Variants in ZNF141 observed in about 807,000 individuals in gnomAD.
ZNF141 encodes the protein zinc finger protein 141 (clone pHZ-44).
Under a neutral mutation model 11.3 loss-of-function variants are expected in ZNF141, and 7 were observed. The observed-to-expected ratio is 0.62, with a 90% CI of 0.35 to 1.16. The LOEUF (loss-of-function observed/expected upper bound fraction) is 1.16, where lower values mean the gene tolerates loss of function less well. ZNF141 is among the 50% of genes most tolerant of loss of function. The pLI is 0.02. For missense variants in ZNF141, 535 were observed against 554.0 expected, an observed-to-expected ratio of 0.97 and a Z score of 0.34; for synonymous variants, 183 against 190.7, an observed-to-expected ratio of 0.96 and a Z score of 0.33.
intron 3 of ZNF141, among the ~76,000 whole-genome samples, chr4:360,748 G>A (rs1553852012): frequency 6.6e-6 from 1 of 151,998 alleles, no homozygotes; most frequent in African/African-American, 2.4e-5. Flanking sequence ...TGACATTTCT[G>A]TTGCCTATAA....
chr4:369,764 ATTTTTT>A (rs34509477), intron 3 of ZNF141, among the ~76,000 whole-genome samples: 9 of 48,724 alleles, frequency 1.8e-4, no homozygotes, highest in Admixed American at 1.2e-3. Context: ...ATATATATAT[ATTTTTT>A]TTTTTTTTTT....
intron 3 of ZNF141, among the ~76,000 whole-genome samples, chr4:369,735 GAGATATATATATATATAT>G (rs1305271839): frequency 6.2e-5 from 1 of 16,148 alleles, no homozygotes. Flanking sequence ...ATTTCTTAAA[GAGATATATATATATATAT>G]ATATATATAT....
At chr4:340,121 T>A (rs1720978851) in intron 1 of ZNF141, among the ~76,000 whole-genome samples, 2 of 152,346 alleles carry the variant, frequency 1.3e-5, no homozygotes, top group South Asian at 4.1e-4. Context: ...TGGACAGTAT[T>A]TTAGGATTGT....
chr4:376,665 A>G lies in ZNF141; in HGVS notation c.*2803A>G, dbSNP rs542001436. Among the ~76,000 whole-genome samples the G allele has an allele frequency of 2.6e-5, 4 of 152,244 alleles. No individual in the cohort carries two copies. Among genetic ancestry groups the G allele is most frequent in the South Asian group, 4.1e-4 (2 of 4,822 alleles). ...GTTAAGTATGTAAATGTGTTGCTGT[A>G]AAGATAAACCTTAGGTGTAAGAAAA... On this transcript the variant is annotated 3_prime_UTR_variant, in exon 4 of 4. Transcript: ENST00000240499.
intron 3 of ZNF141, among the ~76,000 whole-genome samples, chr4:358,821 G>T (rs547111465): frequency 1.3e-5 from 2 of 152,070 alleles, no homozygotes; most frequent in South Asian, 2.1e-4. Context: ...TGATCCATCC[G>T]CCTCGGCCTC....
chr4:350,178 T>C lies in ZNF141; in HGVS notation c.226+5748T>C, dbSNP rs782710506. ...GAATCCTCAGTAAGACCAAGCTCAG[T>C]GTGCCATTTCCTTGTCTGTAGCCAT... On this transcript the variant is annotated intron_variant, in intron 3 of 3. Coordinates refer to ENST00000240499, the MANE Select transcript of ZNF141 (RefSeq NM_003441.4). The C allele has an allele frequency of 3.4e-5, 18 of 534,682 alleles. No individual in the cohort carries two copies. In the African/African-American group the frequency reaches 3.5e-4, roughly 10 times the overall value. 33.1% of individuals were successfully genotyped at this position (534,682 alleles called of 1,614,324 possible).
chr4:383,013 TCTTGA>T lies in ZNF141; in HGVS notation c.*9155_*9159del. 1.8e-6 allele frequency: 1 copy of T among 545,574 alleles called. No homozygotes were observed. The highest frequency in any genetic ancestry group is 3.2e-6 in the Non-Finnish European group (1 of 309,852). 33.8% of individuals were successfully genotyped at this position (545,574 alleles called of 1,614,324 possible). ...TTCTGTTTCCCAAACCTTGAACTTC[TCTTGA>T]CTTATCTGCACTGGCACAGGGTGCC... On this transcript the variant is annotated 3_prime_UTR_variant, in exon 4 of 4. Transcript: ENST00000240499.
chr4:351,619 G>T (rs1315294371), intron 3 of ZNF141, among the ~76,000 whole-genome samples: 1 of 152,108 alleles, frequency 6.6e-6, no homozygotes, highest in Non-Finnish European at 1.5e-5. Flanking sequence ...TGAGTTTGAG[G>T]CATTTTCCTG....
At chr4:348,134 A>C (rs1721428909) in intron 3 of ZNF141, among the ~76,000 whole-genome samples, 1 of 152,044 alleles carries the variant, frequency 6.6e-6, no homozygotes, top group Admixed American at 6.6e-5. Flanking sequence ...CTGAGCCACC[A>C]CACCCAGCTG....
Position 382,894 on chromosome 4 carries a change from T to C in ZNF141, c.*9032T>C, listed in dbSNP as rs1712730524. ...GACACATCTACAAGAAAAGTCATGA[T>C]AAAATTGATTGCAAAAACAGCAATT... On this transcript the variant is annotated 3_prime_UTR_variant, in exon 4 of 4. Coordinates refer to ENST00000240499, the MANE Select transcript of ZNF141 (RefSeq NM_003441.4). 2.2e-6 allele frequency: 1 copy of C among 462,766 alleles called. No homozygotes were observed. The highest frequency in any genetic ancestry group is 3.8e-6 in the Non-Finnish European group (1 of 260,968). 28.7% of individuals were successfully genotyped at this position (462,766 alleles called of 1,614,324 possible).
intron 3 of ZNF141, among the ~76,000 whole-genome samples, chr4:357,855 G>A (rs962318133): frequency 1.3e-5 from 2 of 151,602 alleles, no homozygotes; most frequent in East Asian, 1.9e-4. Context: ...ATAGGCGCGC[G>A]CCACCACGCC....
rs1712512118 is a variant in ZNF141 at position 379,299 on chromosome 4, G to GACT, written c.*5438_*5439insCTA. On this transcript the variant is annotated 3_prime_UTR_variant, in exon 4 of 4. Coordinates refer to ENST00000240499, the MANE Select transcript of ZNF141 (RefSeq NM_003441.4). ...TTCAAGCTTAAAAGTAAGAGCTCTA[G>GACT]AGTGTATTGTCTTGTATTATATATT... Among the ~76,000 whole-genome samples the GACT allele has an allele frequency of 6.6e-6, 1 of 152,172 alleles. No homozygotes were observed. Among genetic ancestry groups the GACT allele is most frequent in the Non-Finnish European group, 1.5e-5 (1 of 68,024 alleles).
At chr4:338,077 C>A in intron 1 of ZNF141, 91 bp downstream of exon 1, 7 of 1,562,702 alleles carry the variant, frequency 4.5e-6, no homozygotes, top group Non-Finnish European at 6.1e-6. Context: ...CGAACGGAGT[C>A]CCCGCTGCCG....
chr4:349,507 G>A (rs1192002085), intron 3 of ZNF141, among the ~76,000 whole-genome samples: 2 of 152,176 alleles, frequency 1.3e-5, no homozygotes, highest in Non-Finnish European at 2.9e-5. Context: ...TAAGATAGAA[G>A]CTGTGGCCCT....
At position 337,840 on chromosome 4, in the gene ZNF141, C is replaced by A. The variant is rs1019361181; in HGVS notation, c.-144C>A. 9.0e-7 allele frequency: 1 copy of A among 1,112,460 alleles called. No individual in the cohort carries two copies. The highest frequency in any genetic ancestry group is 1.3e-6 in the Non-Finnish European group (1 of 749,026). 68.9% of individuals were successfully genotyped at this position (1,112,460 alleles called of 1,614,324 possible). ...TCTTTGCGTCTGGCTACTACCAGAC[C>A]GCGGGTTAGGGGCTTCATCTCTCTG... On this transcript the variant is annotated 5_prime_UTR_variant, in exon 1 of 4. Transcript: ENST00000240499.
chr4:368,847 T>C (rs1711881106), intron 3 of ZNF141, among the ~76,000 whole-genome samples: 1 of 152,238 alleles, frequency 6.6e-6, no homozygotes, highest in African/African-American at 2.4e-5. Context: ...TGTTGAGTGC[T>C]TCATTGTTTC....
At chr4:360,766 CTA>C (rs1722069499) in intron 3 of ZNF141, among the ~76,000 whole-genome samples, 1 of 152,026 alleles carries the variant, frequency 6.6e-6, no homozygotes, top group Non-Finnish European at 1.5e-5. Flanking sequence ...TAAAAGTTAT[CTA>C]TGTGGTATTT....
chr4:374,906 A>G lies in ZNF141; in HGVS notation c.*1044A>G, dbSNP rs1475362595. 6.6e-6 allele frequency: 1 copy of G among 152,222 alleles called. No individual in the cohort carries two copies. The highest frequency in any genetic ancestry group is 1.5e-5 in the Non-Finnish European group (1 of 68,040). 9.4% of individuals were successfully genotyped at this position (152,222 alleles called of 1,614,324 possible). ...CAACCACACTCAATCTATTCTAAAT[A>G]TAAGAGAAATGATATTGGTGAGAAG... On this transcript the variant is annotated 3_prime_UTR_variant, in exon 4 of 4. Coordinates refer to ENST00000240499, the MANE Select transcript of ZNF141 (RefSeq NM_003441.4).
chr4:383,297 C>T lies in ZNF141; in HGVS notation c.*9435C>T, dbSNP rs1712746463. 14 of 613,140 alleles carry T rather than the reference C, an allele frequency of 2.3e-5. No homozygotes were observed. Among genetic ancestry groups the T allele is most frequent in the Middle Eastern group, 5.4e-4 (2 of 3,704 alleles). 38.0% of individuals were successfully genotyped at this position (613,140 alleles called of 1,614,324 possible). A position where few individuals can be genotyped will look rare whatever the true frequency, so the allele number is the denominator to read the frequency against. On this transcript the variant is annotated 3_prime_UTR_variant, in exon 4 of 4. Transcript: ENST00000240499. ...GCTGAGCCCAGCCTAAATTTCTAAC[C>T]AGCTCAATCCTGAGCTAGTATGTTT... is the stretch of plus-strand genomic sequence containing the variant.
Sources: gnomAD v4.1 joint callset for allele counts (sites outside exome capture counted in the v4.1 genomes callset) on GRCh38, gnomAD v4.1.1 for gene constraint, MANE v1.5 for transcripts, NCBI Gene and HGNC (gene_info 2026-07-23, HGNC 2026-07-21) for gene names.